The following PCCA variants were observed in gnomAD, a reference collection of about 807,000 sequenced individuals.
PCCA encodes the protein propionyl-CoA carboxylase alpha chain, mitochondrial.
PCCA carries 74 observed loss-of-function variants against 101.3 expected under a neutral mutation model. The ratio of observed to expected loss-of-function variants is 0.73; its 90% CI spans 0.61 to 0.89. The LOEUF (loss-of-function observed/expected upper bound fraction) is 0.89, where lower values mean the gene tolerates loss of function less well. Among genes scored for constraint, PCCA ranks in the 40% least tolerant of loss-of-function variants. PCCA has a pLI of 0.00. For missense variants in PCCA, 891 were observed against 907.0 expected, an observed-to-expected ratio of 0.98 and a Z score of 0.23; for synonymous variants, 294 against 313.6, an observed-to-expected ratio of 0.94 and a Z score of 0.66.
chr13:100,446,735 A>G (rs913429767), intron 20 of PCCA, among the ~76,000 whole-genome samples: 1 of 152,248 alleles, frequency 6.6e-6, no homozygotes, highest in African/African-American at 2.4e-5. Context: ...ACATGTGTGT[A>G]TAAAAGAATA....
chr13:100,293,171 T>C, intron 12 of PCCA: 1 of 470,038 alleles, frequency 2.1e-6, no homozygotes, highest in Non-Finnish European at 4.4e-6. Flanking sequence ...ACAGGTAAAC[T>C]GTCCCACTTT....
intron 20 of PCCA, among the ~76,000 whole-genome samples, chr13:100,430,298 A>G (rs2079452166): frequency 6.6e-6 from 1 of 151,664 alleles, no homozygotes; most frequent in East Asian, 1.9e-4. Flanking sequence ...AAACCAAAAC[A>G]TTATCAGTGC....
At position 100,285,904 on chromosome 13, in the gene PCCA, C is replaced by T. The variant is rs570167356; in HGVS notation, c.1065+12558C>T. ...TTAGTGATGTAACCATACTTGAAAG[C>T]AAGCCTCTTACCCCAGAGACCAGTG... On this transcript the variant is annotated intron_variant, in intron 12 of 23. Coordinates refer to ENST00000376285, the MANE Select transcript of PCCA (RefSeq NM_000282.4). Among the ~76,000 whole-genome samples, 7 of 152,322 alleles carry T rather than the reference C, an allele frequency of 4.6e-5. No homozygotes were observed. The East Asian group carries it at 1.4e-3, about 29-fold the overall frequency.
At chr13:100,296,284 A>G (rs748584681) in intron 12 of PCCA, among the ~76,000 whole-genome samples, 1 of 151,880 alleles carries the variant, frequency 6.6e-6, no homozygotes, top group Non-Finnish European at 1.5e-5. Flanking sequence ...CCCATTTCCC[A>G]GACTGGAGTG....
At chr13:100,299,838 G>A (rs1489403829) in intron 12 of PCCA, among the ~76,000 whole-genome samples, 1 of 152,124 alleles carries the variant, frequency 6.6e-6, no homozygotes, top group Non-Finnish European at 1.5e-5. Flanking sequence ...TCAGCCTCCT[G>A]AGTAGCTGGG....
At chr13:100,168,509 A>G (rs2055287810) in intron 6 of PCCA, among the ~76,000 whole-genome samples, 2 of 152,202 alleles carry the variant, frequency 1.3e-5, no homozygotes, top group Admixed American at 1.3e-4. Context: ...TGTTCCATGT[A>G]TGCATGGGTC....
At chr13:100,489,719 AC>A (rs1363785684) in intron 21 of PCCA, among the ~76,000 whole-genome samples, 1 of 152,256 alleles carries the variant, frequency 6.6e-6, no homozygotes, top group Non-Finnish European at 1.5e-5. Flanking sequence ...AGATAATTTT[AC>A]CCAGGCCACT....
intron 7 of PCCA, among the ~76,000 whole-genome samples, chr13:100,227,253 A>G (rs1023335746): frequency 1.4e-4 from 21 of 152,142 alleles, no homozygotes; most frequent in Non-Finnish European, 7.4e-5. Flanking sequence ...CTGGGATTAC[A>G]GGCAGGAGCC....
intron 18 of PCCA, among the ~76,000 whole-genome samples, chr13:100,361,645 C>T (rs1157356848): frequency 6.6e-6 from 1 of 151,962 alleles, no homozygotes; most frequent in Non-Finnish European, 1.5e-5. Context: ...CCACTGAGCA[C>T]CATAAGGTCC....
chr13:100,328,752 G>C (rs1335859582), intron 16 of PCCA, among the ~76,000 whole-genome samples: 1 of 136,802 alleles, frequency 7.3e-6, no homozygotes, highest in Non-Finnish European at 1.5e-5. Flanking sequence ...GGAGTGCAGT[G>C]GTGTGATCTT....
intron 16 of PCCA, among the ~76,000 whole-genome samples, chr13:100,321,591 CTGTGTGTGTGTGTGTGTGTG>C (rs35931512): frequency 6.1e-5 from 8 of 132,012 alleles, no homozygotes; most frequent in African/African-American, 1.4e-4. Flanking sequence ...TATAGAAGAT[CTGTGTGTGTGTGTGTGTGTG>C]TGTGTGTGTG....
At chr13:100,204,976 C>T (rs960306894) in intron 6 of PCCA, among the ~76,000 whole-genome samples, 1 of 151,852 alleles carries the variant, frequency 6.6e-6, no homozygotes, top group African/African-American at 2.4e-5. Context: ...AAATGAATCA[C>T]TTTAATGATG....
intron 22 of PCCA, among the ~76,000 whole-genome samples, chr13:100,520,508 G>A (rs879356047): frequency 4.0e-5 from 6 of 151,540 alleles, no homozygotes; most frequent in Admixed American, 2.6e-4. Context: ...AGTGGCGGGC[G>A]CCTGTAGTCC....
chr13:100,265,998 T>C (rs1336783512), intron 10 of PCCA, among the ~76,000 whole-genome samples: 3 of 152,182 alleles, frequency 2.0e-5, no homozygotes, highest in African/African-American at 7.2e-5. Flanking sequence ...CCATTAGATA[T>C]CTAAGTGTAG....
At position 100,248,913 on chromosome 13, in the gene PCCA, A is replaced by AT. The variant is rs11285694; in HGVS notation, c.638-8670dup. On this transcript the variant is annotated intron_variant, in intron 8 of 23. Coordinates refer to ENST00000376285, the MANE Select transcript of PCCA (RefSeq NM_000282.4). ...GGGCACCCGCCACCACGCCTGGCTA[A>AT]TTTTTTTTTTTTGTACTTGTAGTAG... Among the ~76,000 whole-genome samples the AT allele has an allele frequency of 2.4e-3, 344 of 145,118 alleles. 2 individuals carry two copies. Among genetic ancestry groups the AT allele is most frequent in the Middle Eastern group, 0.01 (3 of 286 alleles).
chr13:100,291,233 A>T (rs2065093552), intron 12 of PCCA, among the ~76,000 whole-genome samples: 2 of 152,198 alleles, frequency 1.3e-5, no homozygotes. Flanking sequence ...AACCATGATC[A>T]TGCCACTGCA....
intron 18 of PCCA, among the ~76,000 whole-genome samples, chr13:100,356,075 T>A (rs1366020797): frequency 6.6e-6 from 1 of 152,158 alleles, no homozygotes; most frequent in Non-Finnish European, 1.5e-5. Flanking sequence ...TGTAAAAGAA[T>A]GAAGTTGGTC....
intron 1 of PCCA, among the ~76,000 whole-genome samples, chr13:100,090,308 G>A (rs1274984645): frequency 2.0e-5 from 3 of 152,082 alleles, no homozygotes; most frequent in South Asian, 2.1e-4. Context: ...TTCAGCGTGC[G>A]GACTTTCACT....
At position 100,277,714 on chromosome 13, in the gene PCCA, T is replaced by C. The variant is rs190821170; in HGVS notation, c.1065+4368T>C. Reference sequence around the variant, plus strand: ...CATGCAGTCACATGGAAACCTCAGCTGTAAGGGAGTCTGGGAATAGGCTTT... The same window carrying C: ...CATGCAGTCACATGGAAACCTCAGCCGTAAGGGAGTCTGGGAATAGGCTTT... On this transcript the variant is annotated intron_variant, in intron 12 of 23. Coordinates refer to ENST00000376285, the MANE Select transcript of PCCA (RefSeq NM_000282.4). Among the ~76,000 whole-genome samples the C allele has an allele frequency of 3.3e-3, 505 of 152,252 alleles. 6 individuals carry two copies. Among genetic ancestry groups the C allele is most frequent in the African/African-American group, 0.012 (488 of 41,558 alleles).
Sources: allele counts gnomAD v4.1 joint callset (sites outside exome capture counted in the v4.1 genomes callset), GRCh38; gene constraint gnomAD v4.1.1; transcripts MANE v1.5; gene names NCBI Gene and HGNC (gene_info 2026-07-23, HGNC 2026-07-21).